PRKCA: variants seen among roughly 807,000 people sequenced by gnomAD.
PRKCA encodes the protein protein kinase C alpha.
In PRKCA, 27 loss-of-function variants were observed where a neutral mutation model predicts 87.0. The observed-to-expected ratio is 0.31, with a 90% CI of 0.23 to 0.43. PRKCA has a LOEUF of 0.43. PRKCA is among the 20% of genes least tolerant of loss of function. The probability of loss-of-function intolerance (pLI) is 1.00; values close to 1 mark genes in which losing one functional copy is unlikely to be tolerated. For missense variants in PRKCA, 518 were observed against 852.3 expected, an observed-to-expected ratio of 0.61 and a Z score of 4.88; for synonymous variants, 329 against 311.1, an observed-to-expected ratio of 1.06 and a Z score of -0.61.
intron 2 of PRKCA, among the ~76,000 whole-genome samples, chr17:66,314,943 GTA>G (rs1473288710): frequency 6.6e-6 from 1 of 151,430 alleles, no homozygotes; most frequent in Non-Finnish European, 1.5e-5. Flanking sequence ...ATGTGTGTGT[GTA>G]TGTGTATGTA....
intron 2 of PRKCA, among the ~76,000 whole-genome samples, chr17:66,466,803 G>A (rs770101062): frequency 4.0e-5 from 6 of 151,740 alleles, no homozygotes; most frequent in South Asian, 2.1e-4. Context: ...TTTAACCTGC[G>A]AATTCCTTCA....
At chr17:66,356,787 T>G (rs1432274300) in intron 2 of PRKCA, among the ~76,000 whole-genome samples, 3 of 152,168 alleles carry the variant, frequency 2.0e-5, no homozygotes, top group Non-Finnish European at 4.4e-5. Flanking sequence ...TTACTCCAAT[T>G]TCCCAGCCTG....
chr17:66,670,498 G>A (rs1048006479), intron 5 of PRKCA, among the ~76,000 whole-genome samples: 25 of 152,148 alleles, frequency 1.6e-4, no homozygotes, highest in African/African-American at 5.6e-4. Flanking sequence ...TTTGGTGATC[G>A]GAGAAATGTA....
chr17:66,679,170 A>G (rs1972418693), intron 5 of PRKCA, among the ~76,000 whole-genome samples: 1 of 116,340 alleles, frequency 8.6e-6, no homozygotes, highest in Non-Finnish European at 1.6e-5. Flanking sequence ...TACTACACTC[A>G]CACCTTTTTT....
intron 3 of PRKCA, among the ~76,000 whole-genome samples, chr17:66,628,450 A>G (rs1402425747): frequency 6.6e-6 from 1 of 152,174 alleles, no homozygotes; most frequent in Non-Finnish European, 1.5e-5. Flanking sequence ...AATGTTTAAC[A>G]TAAACTGTTA....
At chr17:66,732,039 CT>C (rs1973911680) in intron 8 of PRKCA, among the ~76,000 whole-genome samples, 1 of 150,884 alleles carries the variant, frequency 6.6e-6, no homozygotes, top group Non-Finnish European at 1.5e-5. Flanking sequence ...ATCCACCCGC[CT>C]CGGCCTCCCA....
chr17:66,436,385 G>A (rs146550427), intron 2 of PRKCA, among the ~76,000 whole-genome samples: 1 of 152,184 alleles, frequency 6.6e-6, no homozygotes, highest in Non-Finnish European at 1.5e-5. Context: ...ACCTCTGTCT[G>A]TTTTCCCCAT....
At chr17:66,637,858 T>C (rs1360439525) in intron 3 of PRKCA, among the ~76,000 whole-genome samples, 5 of 152,160 alleles carry the variant, frequency 3.3e-5, no homozygotes, top group Non-Finnish European at 7.3e-5. Flanking sequence ...ACTATGCCTT[T>C]CTAACAAGTT....
At chr17:66,595,463 C>CTTTTTTTTTTTTTTTTTTTTTTTTTTTTT (rs374376124) in intron 3 of PRKCA, among the ~76,000 whole-genome samples, 1 of 116,556 alleles carries the variant, frequency 8.6e-6, no homozygotes, top group African/African-American at 3.5e-5. Flanking sequence ...TCTTTTCCTT[C>CTTTTTTTTTTTTTTTTTTTTTTTTTTTTT]TTTTTTTTTT....
chr17:66,595,773 A>C (rs1408830465), intron 3 of PRKCA, among the ~76,000 whole-genome samples: 1 of 152,182 alleles, frequency 6.6e-6, no homozygotes, highest in African/African-American at 2.4e-5. Context: ...TTTTCAAATA[A>C]AGTCACATTC....
chr17:66,562,086 A>AT (rs1171673629), intron 3 of PRKCA, among the ~76,000 whole-genome samples: 2 of 113,750 alleles, frequency 1.8e-5, no homozygotes, highest in Non-Finnish European at 3.8e-5. Context: ...TATATATATA[A>AT]TTAAATATAT....
At chr17:66,320,458 C>T (rs76662071) in intron 2 of PRKCA, among the ~76,000 whole-genome samples, 11 of 151,996 alleles carry the variant, frequency 7.2e-5, no homozygotes, top group East Asian at 1.9e-4. Context: ...CTTTGAAAAA[C>T]GGCAGTGCCT....
rs78021142 is a variant in PRKCA, at chr17:66,784,702, G to A, written c.1606-2165G>A. ...TGTTAGGCAGGGAAGATACGGTGGG[G>A]TGGACACAAGGATGACCTGCACTGT... On this transcript the variant is annotated intron_variant, in intron 14 of 16. Transcript: ENST00000413366. Among the ~76,000 whole-genome samples the A allele has an allele frequency of 5.3e-3, 814 of 152,346 alleles. 7 individuals are homozygous for A. The highest frequency in any genetic ancestry group is 0.019 in the African/African-American group (780 of 41,588).
chr17:66,693,088 A>G (rs1972825598), intron 8 of PRKCA, among the ~76,000 whole-genome samples: 1 of 152,238 alleles, frequency 6.6e-6, no homozygotes, highest in South Asian at 2.1e-4. Context: ...TATTCATTCG[A>G]TAATTAGGTG....
chr17:66,417,526 C>T (rs1290030301), intron 2 of PRKCA, among the ~76,000 whole-genome samples: 1 of 152,076 alleles, frequency 6.6e-6, no homozygotes, highest in Non-Finnish European at 1.5e-5. Context: ...CATTCTCTCT[C>T]TGGAATTGCT....
rs1976145558 is a variant in PRKCA, at chr17:66,810,715, G to C, written c.*6678G>C. 6.6e-6 allele frequency: 1 copy of C among 152,078 alleles called. No homozygotes were observed. The highest frequency in any genetic ancestry group is 2.1e-4 in the South Asian group (1 of 4,830). The allele number at this position is 152,078 out of a possible 1,614,324, so 9.4% of individuals were successfully genotyped here. A position where few individuals can be genotyped will look rare whatever the true frequency, so the allele number is the denominator to read the frequency against. On this transcript the variant is annotated 3_prime_UTR_variant, in exon 17 of 17. Transcript: ENST00000413366. ...AACATTAATTGTAGTTTGGAAGCAA[G>C]TGTGTATGAATAAAGATAATGATCA...
chr17:66,593,784 G>A (rs949584875), intron 3 of PRKCA, among the ~76,000 whole-genome samples: 9 of 152,256 alleles, frequency 5.9e-5, no homozygotes, highest in Non-Finnish European at 1.2e-4. Flanking sequence ...ATCTCTTGGT[G>A]TAAAAGTAAA....
chr17:66,588,496 A>C (rs529361738), intron 3 of PRKCA, among the ~76,000 whole-genome samples: 1 of 152,266 alleles, frequency 6.6e-6, no homozygotes, highest in East Asian at 1.9e-4. Flanking sequence ...TAATAGAAGC[A>C]TCTGTAAAAG....
At chr17:66,710,530 T>A (rs760559139) in intron 8 of PRKCA, among the ~76,000 whole-genome samples, 5 of 152,122 alleles carry the variant, frequency 3.3e-5, no homozygotes, top group Non-Finnish European at 7.4e-5. Flanking sequence ...CCTTGGTTTT[T>A]GTGGCTCCCG....
Sources: gnomAD v4.1 joint callset for allele counts (sites outside exome capture counted in the v4.1 genomes callset) on GRCh38, gnomAD v4.1.1 for gene constraint, MANE v1.5 for transcripts, NCBI Gene and HGNC (gene_info 2026-07-23, HGNC 2026-07-21) for gene names.